The following GAS2 variants were observed in gnomAD, a reference collection of about 807,000 sequenced individuals.
GAS2 encodes growth arrest specific 2.
In GAS2, 20 loss-of-function variants were observed where a neutral mutation model predicts 37.5. That is an observed-to-expected ratio of 0.53 (90% confidence interval 0.37 to 0.77). GAS2 has a LOEUF of 0.77. Ranked by LOEUF, GAS2 falls within the 30% of genes least tolerant of loss-of-function variation. The probability of loss-of-function intolerance (pLI) is 0.00; values close to 1 mark genes in which losing one functional copy is unlikely to be tolerated. For synonymous variants in GAS2, 144 were observed against 132.2 expected (o/e 1.09, Z -0.61); for missense variants, 336 against 373.4 (o/e 0.90, Z 0.82).
At chr11:22,712,554 C>T (rs75561749) in intron 3 of GAS2, among the ~76,000 whole-genome samples, 1,902 of 152,202 alleles carry the variant, frequency 0.012, 40 homozygotes, top group African/African-American at 0.044. Context: ...TGAACAGCAG[C>T]GCTTGAGTTC....
intron 3 of GAS2, among the ~76,000 whole-genome samples, chr11:22,716,796 A>G (rs572028761): frequency 4.5e-4 from 69 of 152,330 alleles, no homozygotes; most frequent in African/African-American, 1.6e-3. Flanking sequence ...AATTCAGTAA[A>G]GTTTTAGCAT....
chr11:22,810,324 G>A (rs985206643), intron 7 of GAS2, among the ~76,000 whole-genome samples: 1 of 140,044 alleles, frequency 7.1e-6, no homozygotes, highest in South Asian at 2.3e-4. Flanking sequence ...CAGATGCGGT[G>A]TTCTGGTAAG....
upstream of GAS2, among the ~76,000 whole-genome samples, chr11:22,662,798 C>T (rs1238806828): frequency 2.0e-5 from 3 of 152,046 alleles, no homozygotes; most frequent in Non-Finnish European, 4.4e-5. Context: ...GGTAGGGCAT[C>T]ATGTGAGGCC....
At chr11:22,699,644 A>T (rs1175491897) in intron 3 of GAS2, among the ~76,000 whole-genome samples, 2 of 152,172 alleles carry the variant, frequency 1.3e-5, no homozygotes, top group Admixed American at 6.6e-5. Flanking sequence ...CTCAGTAGTC[A>T]TACTACCTGG....
chr11:22,696,149 G>A (rs929570331), intron 3 of GAS2, among the ~76,000 whole-genome samples: 1 of 140,418 alleles, frequency 7.1e-6, no homozygotes. Flanking sequence ...GTGTCCATGT[G>A]TTCTCATTGT....
intron 3 of GAS2, among the ~76,000 whole-genome samples, chr11:22,713,939 GA>G (rs1851537107): frequency 6.6e-6 from 1 of 151,940 alleles, no homozygotes; most frequent in Admixed American, 6.6e-5. Context: ...AACACAATGA[GA>G]AAACAATGAG....
At chr11:22,737,478 C>T (rs1852816400) in intron 4 of GAS2, among the ~76,000 whole-genome samples, 1 of 152,020 alleles carries the variant, frequency 6.6e-6, no homozygotes, top group African/African-American at 2.4e-5. Flanking sequence ...GTGAGAGTTC[C>T]TGAGACGAAT....
intron 3 of GAS2, among the ~76,000 whole-genome samples, chr11:22,724,363 T>C (rs1180379370): frequency 6.6e-6 from 1 of 152,016 alleles, no homozygotes; most frequent in Non-Finnish European, 1.5e-5. Flanking sequence ...TGATGTATTT[T>C]TGTTTTTTGC....
chr11:22,739,716 T>G (rs1294250685), intron 5 of GAS2, among the ~76,000 whole-genome samples: 1 of 151,866 alleles, frequency 6.6e-6, no homozygotes, highest in Non-Finnish European at 1.5e-5. Flanking sequence ...GAGTTCCTAC[T>G]TAAAGAGAGA....
intron 7 of GAS2, among the ~76,000 whole-genome samples, chr11:22,777,451 G>A (rs142864425): frequency 2.6e-5 from 4 of 152,286 alleles, no homozygotes; most frequent in African/African-American, 9.6e-5. Flanking sequence ...AAATTTTGCT[G>A]AGTACTTATA....
intron 1 of GAS2, among the ~76,000 whole-genome samples, chr11:22,671,240 T>G (rs1028255328): frequency 1.2e-4 from 19 of 152,104 alleles, no homozygotes; most frequent in African/African-American, 4.6e-4. Flanking sequence ...CACACAGTCT[T>G]TGAAGGATTT....
chr11:22,680,706 G>A (rs1489106490), intron 2 of GAS2, among the ~76,000 whole-genome samples: 3 of 152,048 alleles, frequency 2.0e-5, no homozygotes, highest in African/African-American at 4.8e-5. Flanking sequence ...TCAATCCCAA[G>A]CTTTTTTTTT....
chr11:22,785,069 A>G (rs369857822), intron 7 of GAS2, among the ~76,000 whole-genome samples: 19 of 152,192 alleles, frequency 1.2e-4, no homozygotes, highest in African/African-American at 4.3e-4. Flanking sequence ...ACATATTCCA[A>G]ATGTAGAGAT....
intron 7 of GAS2, 42 bp downstream of exon 7, chr11:22,755,995 T>C (rs774683899): frequency 7.2e-7 from 1 of 1,397,308 alleles, no homozygotes; most frequent in Non-Finnish European, 1.0e-6. Context: ...TATGGGAAGA[T>C]TCAGAATTTG....
chr11:22,657,607 C>A (rs1043080351), intron 1 of GAS2, among the ~76,000 whole-genome samples: 2 of 152,004 alleles, frequency 1.3e-5, no homozygotes, highest in Non-Finnish European at 2.9e-5. Context: ...ACTCTAAATA[C>A]AAACAAGGCA....
chr11:22,707,666 A>C (rs1851193240), intron 3 of GAS2, among the ~76,000 whole-genome samples: 1 of 152,220 alleles, frequency 6.6e-6, no homozygotes, highest in South Asian at 2.1e-4. Context: ...TGGCAAATGC[A>C]ATATAAATAT....
At chr11:22,692,918 T>C (rs1197968601) in intron 3 of GAS2, among the ~76,000 whole-genome samples, 1 of 152,184 alleles carries the variant, frequency 6.6e-6, no homozygotes, top group Non-Finnish European at 1.5e-5. Flanking sequence ...ATTTGTGTCG[T>C]GTCCTTTCCT....
At chr11:22,777,358 C>T (rs1855312678) in intron 7 of GAS2, among the ~76,000 whole-genome samples, 1 of 152,096 alleles carries the variant, frequency 6.6e-6, no homozygotes, top group Admixed American at 6.5e-5. Context: ...AAGAAAGACT[C>T]AAGAGTTAAT....
chr11:22,636,875 G>T (rs1565060213), intron 1 of GAS2, among the ~76,000 whole-genome samples: 2 of 143,266 alleles, frequency 1.4e-5, no homozygotes, highest in African/African-American at 2.5e-5. Flanking sequence ...TATTTTAAAT[G>T]AAAATTTATA....
Sources: gnomAD v4.1 joint callset for allele counts (sites outside exome capture counted in the v4.1 genomes callset) on GRCh38, gnomAD v4.1.1 for gene constraint, MANE v1.5 for transcripts, NCBI Gene and HGNC (gene_info 2026-07-23, HGNC 2026-07-21) for gene names.